The following GLB1 variants were observed in gnomAD, a reference collection of about 807,000 sequenced individuals.
The protein encoded by GLB1 is galactosidase beta 1.
A neutral mutation model predicts 74.0 loss-of-function variants in GLB1; 56 were observed. The ratio of observed to expected loss-of-function variants is 0.76; its 90% CI spans 0.61 to 0.94. The LOEUF (loss-of-function observed/expected upper bound fraction) is 0.94. Ranked by LOEUF, GLB1 falls within the 40% of genes least tolerant of loss-of-function variation. GLB1 has a pLI of 0.00. For synonymous variants in GLB1, 323 were observed against 323.6 expected (o/e 1.00, Z 0.02); for missense variants, 787 against 845.5 (o/e 0.93, Z 0.86).
intron 8 of GLB1, 24 bp from the exon 9 acceptor site, chr3:33,051,822 G>A (rs1463572382): frequency 6.2e-7 from 1 of 1,614,148 alleles, no homozygotes. Flanking sequence ...AAAGAACACG[G>A]TACTTCACTG....
intron 1 of GLB1, among the ~76,000 whole-genome samples, chr3:33,074,182 TA>T (rs35849739): frequency 0.9 from 131,198 of 146,342 alleles, 58,889 homozygotes; most frequent in East Asian, 1. Flanking sequence ...TACCAAAAAT[TA>T]AAAAAAAAAA....
intron 11 of GLB1, 107 bp from the exon 12 acceptor site, chr3:33,021,762 C>A: frequency 8.4e-7 from 1 of 1,191,518 alleles, no homozygotes; most frequent in Non-Finnish European, 1.2e-6. Flanking sequence ...GACCAAACCC[C>A]TAAATAAACC....
chr3:33,065,213 T>C (rs895724196), intron 5 of GLB1, among the ~76,000 whole-genome samples: 3 of 152,010 alleles, frequency 2.0e-5, no homozygotes, highest in Non-Finnish European at 4.4e-5. Flanking sequence ...ACTTCCTCAC[T>C]GAAAAAAGAA....
chr3:33,042,369 C>CTTTTT (rs1698538333), intron 10 of GLB1, among the ~76,000 whole-genome samples: 11 of 60,208 alleles, frequency 1.8e-4, no homozygotes, highest in Non-Finnish European at 2.6e-4. Flanking sequence ...CTCATCTCCT[C>CTTTTT]CTTTTTTTTT....
intron 1 of GLB1, chr3:33,077,208 C>T (rs781541608): frequency 6.6e-7 from 1 of 1,521,048 alleles, no homozygotes; most frequent in East Asian, 2.5e-5. Flanking sequence ...CTTGCCGTGG[C>T]AGATGAAAAG....
chr3:32,991,985 T>C (rs754010005), downstream of GLB1, among the ~76,000 whole-genome samples: 6 of 152,236 alleles, frequency 3.9e-5, no homozygotes, highest in Non-Finnish European at 5.9e-5. Flanking sequence ...CCCATGATGA[T>C]GAGAAATGCC....
At chr3:33,053,349 G>T in intron 7 of GLB1, 142 bp downstream of exon 7, 1 of 1,172,980 alleles carries the variant, frequency 8.5e-7, no homozygotes, top group Non-Finnish European at 1.2e-6. Flanking sequence ...TCATTCACAT[G>T]TCCAGAATGG....
At chr3:33,013,087 G>A (rs1697095580) in intron 15 of GLB1, among the ~76,000 whole-genome samples, 1 of 152,144 alleles carries the variant, frequency 6.6e-6, no homozygotes, top group African/African-American at 2.4e-5. Context: ...TCCCAATCTA[G>A]TCTCTACCTA....
intron 1 of GLB1, among the ~76,000 whole-genome samples, chr3:33,088,396 C>A (rs1201135401): frequency 6.6e-6 from 1 of 151,668 alleles, no homozygotes; most frequent in Non-Finnish European, 1.5e-5. Flanking sequence ...CACACACACA[C>A]ACACACACAC....
At chr3:33,001,919 C>T (rs1696588866) in intron 15 of GLB1, among the ~76,000 whole-genome samples, 1 of 152,114 alleles carries the variant, frequency 6.6e-6, no homozygotes, top group African/African-American at 2.4e-5. Flanking sequence ...TATAATTTAC[C>T]TTTAAAAATT....
At chr3:33,028,820 C>T (rs888201653) in intron 10 of GLB1, among the ~76,000 whole-genome samples, 3 of 152,102 alleles carry the variant, frequency 2.0e-5, no homozygotes, top group South Asian at 4.1e-4. Flanking sequence ...CATGCACCAC[C>T]ACGCCTGGCT....
At chr3:33,070,682 A>G (rs1456177288) in intron 2 of GLB1, among the ~76,000 whole-genome samples, 1 of 152,110 alleles carries the variant, frequency 6.6e-6, no homozygotes, top group Non-Finnish European at 1.5e-5. Flanking sequence ...CATCTCTAAA[A>G]ACAAAGCAAA....
chr3:33,073,603 G>A (rs754580878), intron 1 of GLB1, among the ~76,000 whole-genome samples: 5 of 152,032 alleles, frequency 3.3e-5, no homozygotes, highest in South Asian at 2.1e-4. Flanking sequence ...CACGAGAATC[G>A]CTTGAACCCG....
chr3:33,015,612 G>A (rs1411932123), intron 14 of GLB1, among the ~76,000 whole-genome samples: 5 of 151,696 alleles, frequency 3.3e-5, no homozygotes, highest in Non-Finnish European at 7.4e-5. Flanking sequence ...AGGTACTGGA[G>A]ACCCAGAGAC....
the GLB1 span, among the ~76,000 whole-genome samples, chr3:32,991,228 C>T: frequency 4.6e-5 from 7 of 152,188 alleles, no homozygotes; most frequent in African/African-American, 9.6e-5. Context: ...GTGAGACCAC[C>T]GGGGCCTGGC....
chr3:33,029,586 G>T (rs2125487897), intron 10 of GLB1, among the ~76,000 whole-genome samples: 1 of 152,284 alleles, frequency 6.6e-6, no homozygotes, highest in East Asian at 1.9e-4. Context: ...TAAAGAAAAT[G>T]TGGCATATAT....
chr3:33,009,991 A>G (rs1336802699), intron 15 of GLB1, among the ~76,000 whole-genome samples: 1 of 152,170 alleles, frequency 6.6e-6, no homozygotes, highest in Non-Finnish European at 1.5e-5. Context: ...TGCTTTCTCC[A>G]CTTGTCAGGT....
At chr3:33,072,830 C>T in intron 1 of GLB1, 117 bp from the exon 2 acceptor site, 1 of 1,483,320 alleles carries the variant, frequency 6.7e-7, no homozygotes, top group South Asian at 1.2e-5. Flanking sequence ...TGCTGATGGA[C>T]TTAATGCTTG....
chr3:33,095,648 T>G (rs1700992212), intron 1 of GLB1, among the ~76,000 whole-genome samples: 1 of 152,168 alleles, frequency 6.6e-6, no homozygotes, highest in Non-Finnish European at 1.5e-5. Flanking sequence ...ACAAGACTGA[T>G]GAGCTCACAT....
Sources: allele counts gnomAD v4.1 joint callset (sites outside exome capture counted in the v4.1 genomes callset), GRCh38; gene constraint gnomAD v4.1.1; transcripts MANE v1.5; gene names NCBI Gene and HGNC (gene_info 2026-07-23, HGNC 2026-07-21).